ARNT2: variants seen among roughly 807,000 people sequenced by gnomAD.
The protein encoded by ARNT2 is aryl hydrocarbon receptor nuclear translocator 2, also known as ARNT protein 2.
ARNT2 carries 36 observed loss-of-function variants against 91.7 expected under a neutral mutation model. That is an observed-to-expected ratio of 0.39 (90% confidence interval 0.30 to 0.52). The LOEUF (loss-of-function observed/expected upper bound fraction) is 0.52. Ranked by LOEUF, ARNT2 falls within the 20% of genes least tolerant of loss-of-function variation. The probability of loss-of-function intolerance (pLI) is 0.72; values close to 1 mark genes in which losing one functional copy is unlikely to be tolerated. For synonymous variants in ARNT2, 365 were observed against 347.1 expected (o/e 1.05, Z -0.57); for missense variants, 775 against 939.3 (o/e 0.83, Z 2.29).
chr15:80,530,061 G>A (rs888221799), intron 8 of ARNT2, among the ~76,000 whole-genome samples: 8 of 151,984 alleles, frequency 5.3e-5, no homozygotes, highest in Non-Finnish European at 1.0e-4. Flanking sequence ...TCCTTAACTC[G>A]GTATCTTCTT....
intron 1 of ARNT2, among the ~76,000 whole-genome samples, chr15:80,443,751 A>G (rs1896232947): frequency 6.6e-6 from 1 of 152,136 alleles, no homozygotes; most frequent in South Asian, 2.1e-4. Flanking sequence ...GCAGGGGGCC[A>G]CATCCCCATA....
chr15:80,413,300 C>T (rs184238768), intron 1 of ARNT2, among the ~76,000 whole-genome samples: 4 of 152,252 alleles, frequency 2.6e-5, no homozygotes, highest in East Asian at 1.9e-4. Flanking sequence ...CTTTCTCAAA[C>T]GCTGGTGCCA....
chr15:80,464,328 G>A (rs1010777770), intron 3 of ARNT2, among the ~76,000 whole-genome samples: 13 of 151,972 alleles, frequency 8.6e-5, no homozygotes, highest in Admixed American at 2.0e-4. Flanking sequence ...CTGGGGGTGG[G>A]GGGTTGCAAG....
chr15:80,453,725 G>A (rs1896438362), intron 2 of ARNT2, among the ~76,000 whole-genome samples: 5 of 152,166 alleles, frequency 3.3e-5, no homozygotes, highest in African/African-American at 1.2e-4. Context: ...ATGGCATGGT[G>A]TTCTTCCACC....
intron 5 of ARNT2, among the ~76,000 whole-genome samples, chr15:80,487,169 C>T (rs1387984453): frequency 6.6e-6 from 1 of 152,164 alleles, no homozygotes; most frequent in East Asian, 1.9e-4. Context: ...CTTCTCATAC[C>T]ACCCAGCCCT....
chr15:80,582,147 C>A (rs951399000), intron 17 of ARNT2, among the ~76,000 whole-genome samples: 1 of 152,160 alleles, frequency 6.6e-6, no homozygotes, highest in Non-Finnish European at 1.5e-5. Context: ...TGAATTTCCA[C>A]GTGGCAAGTT....
chr15:80,490,602 A>T (rs1897041350), intron 5 of ARNT2, among the ~76,000 whole-genome samples: 1 of 152,220 alleles, frequency 6.6e-6, no homozygotes, highest in Admixed American at 6.5e-5. Flanking sequence ...CTCCATGTGG[A>T]TGCAGACCCC....
intron 11 of ARNT2, among the ~76,000 whole-genome samples, chr15:80,559,389 G>T (rs1450838311): frequency 6.6e-6 from 1 of 152,172 alleles, no homozygotes; most frequent in Non-Finnish European, 1.5e-5. Flanking sequence ...CAGCCACAGG[G>T]ACATCCTGGA....
intron 10 of ARNT2, 24 bp from the exon 11 acceptor site, chr15:80,555,041 T>C (rs765121827): frequency 6.2e-7 from 1 of 1,606,102 alleles, no homozygotes; most frequent in Non-Finnish European, 8.5e-7. Flanking sequence ...TCTGGGATTA[T>C]TAAAGCTTGT....
At chr15:80,438,360 T>C (rs1454891557) in intron 1 of ARNT2, among the ~76,000 whole-genome samples, 1 of 152,192 alleles carries the variant, frequency 6.6e-6, no homozygotes, top group East Asian at 1.9e-4. Context: ...TGGTGTGATA[T>C]GGGAGGTTTT....
At chr15:80,457,325 C>G (rs1284129057) in intron 2 of ARNT2, among the ~76,000 whole-genome samples, 1 of 152,228 alleles carries the variant, frequency 6.6e-6, no homozygotes, top group African/African-American at 2.4e-5. Context: ...CCCTCAACAG[C>G]CATGTTTGTG....
intron 8 of ARNT2, among the ~76,000 whole-genome samples, chr15:80,544,449 C>A (rs1354299279): frequency 1.3e-5 from 2 of 152,100 alleles, no homozygotes; most frequent in South Asian, 2.1e-4. Context: ...TCATTTCTTG[C>A]ATTTGTTTTG....
intron 1 of ARNT2, among the ~76,000 whole-genome samples, chr15:80,410,821 A>G (rs1484906071): frequency 6.7e-6 from 1 of 149,908 alleles, no homozygotes; most frequent in Admixed American, 6.6e-5. Flanking sequence ...TCATCTATCT[A>G]CCTACCTATC....
chr15:80,514,023 G>A (rs765012332), intron 7 of ARNT2, 47 bp downstream of exon 7: 3 of 1,540,918 alleles, frequency 1.9e-6, no homozygotes, highest in East Asian at 2.2e-5. Context: ...CTGGTAGATA[G>A]TCTAAACACC....
intron 4 of ARNT2, among the ~76,000 whole-genome samples, chr15:80,473,564 G>A (rs1043839669): frequency 3.9e-5 from 6 of 152,106 alleles, no homozygotes; most frequent in Non-Finnish European, 7.4e-5. Flanking sequence ...AATGCTGACC[G>A]AATTCCCTGA....
chr15:80,548,206 C>T (rs1016570442), intron 8 of ARNT2, among the ~76,000 whole-genome samples: 1 of 152,058 alleles, frequency 6.6e-6, no homozygotes, highest in Non-Finnish European at 1.5e-5. Flanking sequence ...TATTAGAATC[C>T]AGCTGTCCAT....
intron 8 of ARNT2, among the ~76,000 whole-genome samples, chr15:80,541,893 G>A (rs1023752297): frequency 3.3e-5 from 5 of 152,156 alleles, no homozygotes; most frequent in African/African-American, 1.2e-4. Context: ...CTGCCTTCCT[G>A]CAGTCATCCA....
intron 5 of ARNT2, among the ~76,000 whole-genome samples, chr15:80,484,694 A>G (rs923838387): frequency 1.9e-4 from 29 of 152,246 alleles, no homozygotes; most frequent in Non-Finnish European, 1.0e-4. Context: ...CTTGTGTCAC[A>G]GCAGATAAAG....
chr15:80,459,481 C>G (rs1456095744), intron 3 of ARNT2, among the ~76,000 whole-genome samples: 2 of 152,114 alleles, frequency 1.3e-5, no homozygotes, highest in Admixed American at 6.5e-5. Context: ...TTGGTTCCTC[C>G]GTGTCAAAAT....
Sources: gnomAD v4.1 joint callset for allele counts (sites outside exome capture counted in the v4.1 genomes callset) on GRCh38, gnomAD v4.1.1 for gene constraint, MANE v1.5 for transcripts, NCBI Gene and HGNC (gene_info 2026-07-23, HGNC 2026-07-21) for gene names.